Variants in GGCX observed in about 807,000 individuals in gnomAD.
GGCX encodes the protein gamma-glutamyl carboxylase.
GGCX carries 63 observed loss-of-function variants against 88.5 expected under a neutral mutation model. The observed-to-expected ratio is 0.71, with a 90% CI of 0.58 to 0.88. The LOEUF is 0.88. GGCX is among the 40% of genes least tolerant of loss of function. The pLI is 0.00. For missense variants in GGCX, 805 were observed against 932.9 expected, an observed-to-expected ratio of 0.86 and a Z score of 1.79; for synonymous variants, 368 against 365.8, an observed-to-expected ratio of 1.01 and a Z score of -0.07.
chr2:85,559,333 G>A (rs1487062638), intron 2 of GGCX, among the ~76,000 whole-genome samples: 5 of 152,144 alleles, frequency 3.3e-5, no homozygotes, highest in African/African-American at 4.8e-5. Context: ...ACTACAGAGA[G>A]GATTAAATTA....
At chr2:85,551,425 T>C in intron 12 of GGCX, 55 bp downstream of exon 12, 1 of 1,580,126 alleles carries the variant, frequency 6.3e-7, no homozygotes, top group Non-Finnish European at 8.7e-7. Context: ...CTGGGATTAC[T>C]GGTGTGAGCT....
In GGCX at chr2:85,552,514, A is replaced by G. The variant is rs757800602; in HGVS notation, c.1341T>C (p.Tyr447=). 2.5e-6 allele frequency: 4 copies of G among 1,613,884 alleles called. No individual in the cohort carries two copies. Among genetic ancestry groups the G allele is most frequent in the Non-Finnish European group, 3.4e-6 (4 of 1,179,818 alleles). ...GAAGCAGGCGGCTCAGGCAAGTGGC[A>G]TATTGCTTCAGCATGTCTGCATGAT... ...WKDHADMLKQ[Y]ATCLSRLLPK... The change falls in exon 10 of 15, where the codon TAT becomes TAC. Residue 447 remains tyrosine, a synonymous_variant. Transcript: ENST00000233838.
In GGCX at chr2:85,548,621, A is replaced by T. The variant is rs545129027; in HGVS notation, c.*1313T>A. ...TGCAAAGAGATGCAATCATTTACAG[A>T]AGTTACTGAGACTGCCAATTTACTA... On this transcript the variant is annotated 3_prime_UTR_variant, in exon 15 of 15. Transcript: ENST00000233838. The T allele has an allele frequency of 6.6e-6, 1 of 152,190 alleles. No homozygotes were observed. Among genetic ancestry groups the T allele is most frequent in the African/African-American group, 2.4e-5 (1 of 41,432 alleles). The allele number at this position is 152,190 out of a possible 1,614,324, so 9.4% of individuals were successfully genotyped here.
At position 85,547,529 on chromosome 2, in the gene GGCX, A is replaced by G. The variant is rs980100301; in HGVS notation, c.*2405T>C. 6.6e-6 allele frequency: 1 copy of G among 152,228 alleles called. No homozygotes were observed. Among genetic ancestry groups the G allele is most frequent in the African/African-American group, 2.4e-5 (1 of 41,442 alleles). The allele number at this position is 152,228 out of a possible 1,614,324, so 9.4% of individuals were successfully genotyped here. On this transcript the variant is annotated 3_prime_UTR_variant, in exon 15 of 15. Coordinates refer to ENST00000233838, the MANE Select transcript of GGCX (RefSeq NM_000821.7). ...CATCCTTGCCCATATTTAGAAAAAT[A>G]CTTTTTCAAGTGTCTTCTCCCAAGT...
chr2:85,551,734 C>T (rs993969999), intron 11 of GGCX, 78 bp downstream of exon 11: 2 of 1,558,292 alleles, frequency 1.3e-6, no homozygotes, highest in Non-Finnish European at 1.8e-6. Flanking sequence ...TCCCTCTCCC[C>T]TCCCACCACA....
At position 85,552,993 on chromosome 2, in the gene GGCX, C is replaced by T. The variant is rs1558807408; in HGVS notation, c.1233G>A (p.Val411=). Residue 411 remains valine (V), a synonymous_variant, in exon 9 of 15, where the codon GTG becomes GTA. Coordinates refer to ENST00000233838, the MANE Select transcript of GGCX (RefSeq NM_000821.7). Reference sequence around the variant, plus strand: ...TGCGGCCATCACGGTAGGTGATCTTCACGTGCTGGTGGGAGCGGGAGTGCA... The same window carrying T: ...TGCGGCCATCACGGTAGGTGATCTTTACGTGCTGGTGGGAGCGGGAGTGCA... ...MMVHSRSHQH[V]KITYRDGRTG... 1 of 1,614,126 alleles carries T rather than the reference C, an allele frequency of 6.2e-7. No individual in the cohort carries two copies. Among genetic ancestry groups the T allele is most frequent in the East Asian group, 2.2e-5 (1 of 44,880 alleles).
intron 3 of GGCX, 150 bp downstream of exon 3, chr2:85,558,767 G>T: frequency 1.2e-6 from 1 of 868,720 alleles, no homozygotes; most frequent in Non-Finnish European, 1.9e-6. Flanking sequence ...AGAATTATGG[G>T]ATCACAGCTT....
Position 85,547,757 on chromosome 2 carries a change from T to C in GGCX, c.*2177A>G, listed in dbSNP as rs1417107970. 2 of 152,196 alleles carry C rather than the reference T, an allele frequency of 1.3e-5. No homozygotes were observed. Among genetic ancestry groups the C allele is most frequent in the Non-Finnish European group, 2.9e-5 (2 of 68,050 alleles). 9.4% of individuals were successfully genotyped at this position (152,196 alleles called of 1,614,324 possible). A position where few individuals can be genotyped will look rare whatever the true frequency, so the allele number is the denominator to read the frequency against. On this transcript the variant is annotated 3_prime_UTR_variant, in exon 15 of 15. Coordinates refer to ENST00000233838, the MANE Select transcript of GGCX (RefSeq NM_000821.7). ...TTGCCCATATAATACCTTGAATGAA[T>C]TAGAGATTTTCCACCAAACTCCATT...
Position 85,560,796 on chromosome 2 carries a change from A to G in GGCX, c.214+19T>C. 1 of 1,604,708 alleles carries G rather than the reference A, an allele frequency of 6.2e-7. No homozygotes were observed. On this transcript the variant is annotated intron_variant, in intron 2 of 14. Transcript: ENST00000233838. ...CTCCACTCTCAACCAAATTGCTCCC[A>G]CCCATAAACTGGACTCACCAAAAAG...
intron 11 of GGCX, 80 bp downstream of exon 11, chr2:85,551,732 C>T (rs1294259843): frequency 6.4e-7 from 1 of 1,555,360 alleles, no homozygotes; most frequent in Non-Finnish European, 8.9e-7. Context: ...ATTCCCTCTC[C>T]CCTCCCACCA....
intron 6 of GGCX, chr2:85,554,900 G>A (rs762684): frequency 0.29 from 49,787 of 172,704 alleles, 7,502 homozygotes; most frequent in African/African-American, 0.36. Context: ...TCCCCACGGA[G>A]GTCATGAGTG....
At chr2:85,553,606 CTTCT>C in intron 7 of GGCX, 109 bp from the exon 8 acceptor site, 1 of 1,104,716 alleles carries the variant, frequency 9.1e-7, no homozygotes, top group African/African-American at 1.6e-5. Context: ...GAAAGTAGTT[CTTCT>C]TTTTTTTTTG....
chr2:85,554,854 T>C (rs1263864215), intron 6 of GGCX: 1 of 183,716 alleles, frequency 5.4e-6, no homozygotes, highest in East Asian at 1.3e-4. Context: ...TAGGACAAAA[T>C]TTGACTGAGA....
Position 85,551,538 on chromosome 2 carries a change from G to T in GGCX, c.1682C>A (p.Thr561Asn), listed in dbSNP as rs750814417. 22 of 1,613,816 alleles carry T rather than the reference G, an allele frequency of 1.4e-5. No homozygotes were observed. The Admixed American group carries it at 2.0e-4, about 15-fold the overall frequency. The change falls in exon 12 of 15, where the codon ACT becomes AAT. Residue 561 changes from threonine (T) to asparagine (N), a missense_variant. Physicochemically the swap from Thr to Asn is moderately conservative, Grantham distance 65. Around this residue, in one of 3 missense-constraint regions of GGCX, gnomAD observed 680 missense variants for 763.7 expected, o/e 0.89. Transcript: ENST00000233838. The part of the protein sequence containing the change: ...TSIQLLQGEV[T>N]VELVAEQKNQ... ...CTTCTGTTCTGCCACAAGCTCCACA[G>T]TCACTTCCCCCTGCAGCAGCTGGAT...
At chr2:85,554,062 C>A in intron 7 of GGCX, 81 bp downstream of exon 7, 2 of 1,116,838 alleles carry the variant, frequency 1.8e-6, no homozygotes, top group Non-Finnish European at 2.8e-6. Context: ...ACCACCCTCT[C>A]CCACTCCCAA....
Position 85,549,482 on chromosome 2 carries a change from C to T in GGCX, c.*452G>A, listed in dbSNP as rs973157941. ...GCCCAAGCGATTCTCATGCCTCAGC[C>T]TCCTGGGTAGTTGGATTACAGGCAC... is the stretch of plus-strand genomic sequence containing the variant. On this transcript the variant is annotated 3_prime_UTR_variant, in exon 15 of 15. Coordinates refer to ENST00000233838, the MANE Select transcript of GGCX (RefSeq NM_000821.7). 2 of 199,300 alleles carry T rather than the reference C, an allele frequency of 1.0e-5. No homozygotes were observed. The highest frequency in any genetic ancestry group is 4.8e-5 in the African/African-American group (2 of 41,908). The allele number at this position is 199,300 out of a possible 1,614,324, so 12.3% of individuals were successfully genotyped here. A position where few individuals can be genotyped will look rare whatever the true frequency, so the allele number is the denominator to read the frequency against.
chr2:85,559,008 A>G lies in GGCX; in HGVS notation c.282T>C (p.Asp94=). 6.2e-7 allele frequency: 1 copy of G among 1,614,026 alleles called. No individual in the cohort carries two copies. The highest frequency in any genetic ancestry group is 8.5e-7 in the Non-Finnish European group (1 of 1,179,878). ...AGGGGAAGCGGCACACATCCAGCCC[A>G]TCAAGGTATTTCCGGTCCAGAGAGC... ...GLSSLDRKYL[D]GLDVCRFPLL... The change falls in exon 3 of 15, where the codon GAT becomes GAC. Residue 94 remains aspartate (D), a synonymous_variant. Transcript: ENST00000233838.
At chr2:85,552,645 C>G in intron 9 of GGCX, 78 bp from the exon 10 acceptor site, 1 of 1,361,056 alleles carries the variant, frequency 7.3e-7, no homozygotes, top group African/African-American at 1.4e-5. Flanking sequence ...AATGGCACAA[C>G]GAGATCCCTG....
intron 4 of GGCX, among the ~76,000 whole-genome samples, chr2:85,556,770 T>C (rs1692221594): frequency 6.6e-6 from 1 of 152,188 alleles, no homozygotes; most frequent in Admixed American, 6.5e-5. Context: ...AGACCCAGGC[T>C]ACTAACACCA....
Sources: gnomAD v4.1 joint callset for allele counts (sites outside exome capture counted in the v4.1 genomes callset) on GRCh38, gnomAD v4.1.1 for gene constraint, gnomAD v4.1.1 regional missense constraint, MANE v1.5 for transcripts, NCBI Gene and HGNC (gene_info 2026-07-23, HGNC 2026-07-21) for gene names.